The following APBA1 variants were observed in gnomAD, a reference collection of about 807,000 sequenced individuals.
The protein encoded by APBA1 is amyloid beta precursor protein binding family A member 1, also known as amyloid-beta A4 precursor protein-binding family A member 1.
APBA1 carries 55 observed loss-of-function variants against 86.6 expected under a neutral mutation model. That is an observed-to-expected ratio of 0.64 (90% CI 0.51 to 0.80). APBA1 has a LOEUF of 0.80. Among genes scored for constraint, APBA1 ranks in the 30% least tolerant of loss-of-function variants. The probability of loss-of-function intolerance (pLI) is 0.00; values close to 1 mark genes in which losing one functional copy is unlikely to be tolerated. For missense variants in APBA1, 1,090 were observed against 1,183.0 expected, an observed-to-expected ratio of 0.92 and a Z score of 1.15; for synonymous variants, 511 against 493.9, an observed-to-expected ratio of 1.03 and a Z score of -0.46.
At chr9:69,440,793 C>T (rs1027636939) in intron 11 of APBA1, among the ~76,000 whole-genome samples, 1 of 152,156 alleles carries the variant, frequency 6.6e-6, no homozygotes, top group Non-Finnish European at 1.5e-5. Flanking sequence ...CACTGTCCTG[C>T]ACCCACTGAC....
At chr9:69,443,404 G>T (rs1016237771) in intron 10 of APBA1, among the ~76,000 whole-genome samples, 1 of 152,246 alleles carries the variant, frequency 6.6e-6, no homozygotes, top group Non-Finnish European at 1.5e-5. Context: ...CCTGCAGCCA[G>T]TGTGCTCAGT....
At chr9:69,502,680 C>T (rs1035755568) in intron 2 of APBA1, among the ~76,000 whole-genome samples, 2 of 151,910 alleles carry the variant, frequency 1.3e-5, no homozygotes, top group African/African-American at 2.4e-5. Context: ...TTAAATGCAC[C>T]CTGGTAAAAG....
intron 1 of APBA1, among the ~76,000 whole-genome samples, chr9:69,658,292 CTTTCTCTCTCTCTCTT>C (rs1823669145): frequency 5.6e-5 from 1 of 17,846 alleles, no homozygotes; most frequent in Non-Finnish European, 1.7e-4. Flanking sequence ...TTCTCTCTCT[CTTTCTCTCTCTCTCTT>C]TCTTTCTTTC....
At chr9:69,457,966 G>A (rs1335632763) in intron 6 of APBA1, among the ~76,000 whole-genome samples, 190 bp downstream of exon 6, 4 of 152,144 alleles carry the variant, frequency 2.6e-5, no homozygotes, top group Non-Finnish European at 5.9e-5. Context: ...TGACTAATGA[G>A]CAACAGAAAA....
chr9:69,660,168 C>G (rs1004711194), intron 1 of APBA1, among the ~76,000 whole-genome samples: 2 of 152,238 alleles, frequency 1.3e-5, no homozygotes, highest in African/African-American at 4.8e-5. Flanking sequence ...AATAATTCCA[C>G]TTCCAAGTCT....
rs1835024201 is a variant in APBA1, at chr9:69,452,285, T to C, written c.1805A>G (p.Gln602Arg). The change falls in exon 9 of 13, where the codon CAG (glutamine) becomes CGG (arginine). Residue 602 changes from glutamine to arginine, a missense_variant. By Grantham distance (43) the Gln-to-Arg change is conservative (BLOSUM62 1). Coordinates refer to ENST00000265381, the MANE Select transcript of APBA1 (RefSeq NM_001163.4). ...CACGCTAAATGCCTGTCCGATGGAC[T>C]GTGCAATCAGCTGAGCCTGGAACAG... ...FESEDAQLIA[Q>R]SIGQAFSVAY... 6.2e-7 allele frequency: 1 copy of C among 1,614,196 alleles called. No individual in the cohort carries two copies. The highest frequency in any genetic ancestry group is 1.1e-5 in the South Asian group (1 of 91,078).
chr9:69,526,472 G>A (rs576133385), intron 1 of APBA1, among the ~76,000 whole-genome samples: 6 of 152,072 alleles, frequency 3.9e-5, no homozygotes, highest in Non-Finnish European at 8.8e-5. Flanking sequence ...ATGAAAAAAT[G>A]TTCAATATCA....
intron 1 of APBA1, among the ~76,000 whole-genome samples, chr9:69,531,344 A>G (rs764299879): frequency 6.6e-6 from 1 of 152,144 alleles, no homozygotes; most frequent in African/African-American, 2.4e-5. Context: ...CACCCTGTTC[A>G]ACAAAGAAAA....
upstream of APBA1, among the ~76,000 whole-genome samples, chr9:69,672,460 G>T (rs549167775): frequency 2.7e-5 from 4 of 149,014 alleles, no homozygotes; most frequent in African/African-American, 7.3e-5. Flanking sequence ...GCGGGCCTGC[G>T]AGGGAGGGCG....
At chr9:69,448,396 CT>C (rs1358624442) in intron 10 of APBA1, among the ~76,000 whole-genome samples, 2 of 152,118 alleles carry the variant, frequency 1.3e-5, no homozygotes, top group Non-Finnish European at 2.9e-5. Flanking sequence ...CTAATCTTAC[CT>C]TTAACGTGTA....
Position 69,629,917 on chromosome 9 carries a change from C to T in APBA1, c.-70+42236G>A, listed in dbSNP as rs563367602. 5.9e-5 allele frequency among the ~76,000 whole-genome samples: 9 copies of T among 152,216 alleles called. No homozygotes were observed. The South Asian group carries it at 1.9e-3, about 32-fold the overall frequency. On this transcript the variant is annotated intron_variant, in intron 1 of 12. Transcript: ENST00000265381. ...GTCCTACTCCCGGCCACACAGTGTC[C>T]AGGTGCTTGAAATACATTAGCGAAC...
chr9:69,459,170 T>A (rs1835150468), intron 5 of APBA1, among the ~76,000 whole-genome samples: 2 of 152,222 alleles, frequency 1.3e-5, no homozygotes, highest in South Asian at 4.1e-4. Flanking sequence ...AGTCTGTATG[T>A]CAATCTTTTG....
intron 1 of APBA1, among the ~76,000 whole-genome samples, chr9:69,653,543 A>G (rs2134018109): frequency 6.6e-6 from 1 of 152,322 alleles, no homozygotes; most frequent in African/African-American, 2.4e-5. Context: ...ATTTTCCAGG[A>G]TAGACCACAT....
In APBA1 at chr9:69,516,391, C is replaced by T; in HGVS notation, c.820G>A (p.Val274Met). The T allele has an allele frequency of 6.2e-7, 1 of 1,603,990 alleles. No homozygotes were observed. ...CTCATGCTCTGCTTCACCTCGGCCA[C>T]TATCTGGTCGATGTCCTCCTCCTGC... ...YEQEEDIDQI[V>M]AEVKQSMSSQ... The change falls in exon 2 of 13, where the codon GTG becomes ATG. Residue 274 changes from valine (V) to methionine (M), a missense_variant. Physicochemically the swap from Val to Met is conservative, Grantham distance 21. This residue lies in a region of APBA1 where 678 missense variants were observed against 647.1 expected (regional missense o/e 1.05). Transcript: ENST00000265381. This position sits in a 1 kb window ranked among gnomAD's most constrained non-coding sequence, Gnocchi z 7.3.
At chr9:69,474,067 T>C (rs1305702636) in intron 3 of APBA1, among the ~76,000 whole-genome samples, 1 of 152,224 alleles carries the variant, frequency 6.6e-6, no homozygotes, top group Admixed American at 6.5e-5. Context: ...TGAACATCAG[T>C]TGATCCTTAA....
At chr9:69,565,099 A>G (rs1469784171) in intron 1 of APBA1, among the ~76,000 whole-genome samples, 1 of 152,180 alleles carries the variant, frequency 6.6e-6, no homozygotes, top group Non-Finnish European at 1.5e-5. Context: ...GTTCTAAAAT[A>G]CTTTTTCTAG....
chr9:69,552,804 T>C (rs72719024), intron 1 of APBA1, among the ~76,000 whole-genome samples: 9,629 of 152,106 alleles, frequency 0.063, 357 homozygotes, highest in African/African-American at 0.095. Flanking sequence ...AGAAATGGAG[T>C]TTATAAAATG....
chr9:69,519,842 G>C (rs1259120571), intron 1 of APBA1, among the ~76,000 whole-genome samples: 1 of 152,170 alleles, frequency 6.6e-6, no homozygotes, highest in African/African-American at 2.4e-5. Context: ...TCGGTGAATG[G>C]TGCCCTCTTA....
chr9:69,644,655 C>T (rs1345463848), intron 1 of APBA1, among the ~76,000 whole-genome samples: 7 of 152,136 alleles, frequency 4.6e-5, no homozygotes. Flanking sequence ...AGAGCTTAAG[C>T]TTCTTTGAAC....
Sources: gnomAD v4.1 joint callset for allele counts (sites outside exome capture counted in the v4.1 genomes callset) on GRCh38, gnomAD v4.1.1 for gene constraint, gnomAD v4.1.1 regional missense constraint, Gnocchi (gnomAD v3.1) non-coding constraint, MANE v1.5 for transcripts, NCBI Gene and HGNC (gene_info 2026-07-23, HGNC 2026-07-21) for gene names.